NAV2: variants seen among roughly 807,000 people sequenced by gnomAD.
NAV2 encodes neuron navigator 2.
Under a neutral mutation model 223.2 loss-of-function variants are expected in NAV2, and 54 were observed. The observed-to-expected ratio is 0.24, with a 90% CI of 0.19 to 0.30. NAV2 has a LOEUF of 0.30. NAV2 is among the 10% of genes least tolerant of loss of function. The probability of loss-of-function intolerance (pLI) is 1.00; values close to 1 mark genes in which losing one functional copy is unlikely to be tolerated. For synonymous variants in NAV2, 1,279 were observed against 1,239.3 expected (o/e 1.03, Z -0.67); for missense variants, 2,806 against 3,147.5 (o/e 0.89, Z 2.60).
In NAV2 at chr11:19,586,873, C is replaced by T. The variant is rs184266210; in HGVS notation, c.75+235846C>T. On this transcript the variant is annotated intron_variant, in intron 1 of 37. Transcript: ENST00000360655. The stretch of plus-strand genomic sequence containing the variant: ...CTGTCTGTTCTCAGATCTCCAGCTG[C>T]GTGCTGTGGGAACCACTACTCTCTT... Among the ~76,000 whole-genome samples, 11 of 152,338 alleles carry T rather than the reference C, an allele frequency of 7.2e-5. No homozygotes were observed. In the East Asian group the frequency reaches 1.2e-3, roughly 16 times the overall value.
At chr11:20,008,287 G>A (rs1421550552) in intron 11 of NAV2, among the ~76,000 whole-genome samples, 4 of 152,090 alleles carry the variant, frequency 2.6e-5, no homozygotes. Context: ...GAATCCATGA[G>A]GCCGAGGTTG....
chr11:19,669,481 G>A (rs1160815221), intron 1 of NAV2, among the ~76,000 whole-genome samples: 2 of 152,224 alleles, frequency 1.3e-5, no homozygotes, highest in Non-Finnish European at 2.9e-5. Flanking sequence ...CTCTCTCATG[G>A]TCTGGGGATG....
intron 2 of NAV2, among the ~76,000 whole-genome samples, chr11:19,838,197 C>T (rs942324553): frequency 2.6e-5 from 4 of 152,142 alleles, no homozygotes; most frequent in African/African-American, 7.2e-5. Context: ...GTAGGCAGCA[C>T]GATTGTGCCT....
chr11:19,552,531 A>G (rs2044723668), intron 1 of NAV2, among the ~76,000 whole-genome samples: 1 of 152,102 alleles, frequency 6.6e-6, no homozygotes, highest in Non-Finnish European at 1.5e-5. Flanking sequence ...CAGACCGAGC[A>G]GAAGCTCCCC....
chr11:19,720,649 T>C (rs1477470607), intron 1 of NAV2, among the ~76,000 whole-genome samples: 2 of 152,228 alleles, frequency 1.3e-5, no homozygotes, highest in African/African-American at 2.4e-5. Flanking sequence ...AATGTGGCAC[T>C]TTAAAAATAA....
intron 10 of NAV2, among the ~76,000 whole-genome samples, chr11:19,970,518 T>C (rs986473049): frequency 2.6e-5 from 4 of 152,180 alleles, no homozygotes; most frequent in Non-Finnish European, 4.4e-5. Context: ...AAGAAACACT[T>C]GGTAGGTACC....
chr11:20,111,809 A>T (rs1037373221), intron 36 of NAV2, among the ~76,000 whole-genome samples: 6 of 152,300 alleles, frequency 3.9e-5, no homozygotes, highest in African/African-American at 1.4e-4. Context: ...GGACTAGAAG[A>T]GTGTTTTTTC....
chr11:20,068,782 AG>A (rs2059210624), intron 22 of NAV2, among the ~76,000 whole-genome samples: 1 of 152,218 alleles, frequency 6.6e-6, no homozygotes, highest in South Asian at 2.1e-4. Flanking sequence ...AAAGAAATGT[AG>A]GGCTTTTCAA....
At chr11:20,075,349 G>C (rs111482456) in intron 22 of NAV2, among the ~76,000 whole-genome samples, 2 of 151,836 alleles carry the variant, frequency 1.3e-5, no homozygotes, top group Admixed American at 1.3e-4. Flanking sequence ...TCAGCCTCCC[G>C]AGTAGCTGGG....
intron 1 of NAV2, among the ~76,000 whole-genome samples, chr11:19,617,435 TG>T (rs1038288977): frequency 6.6e-6 from 1 of 152,072 alleles, no homozygotes. Context: ...TGTCTGGTAA[TG>T]GGGGGATAAC....
chr11:19,759,729 A>G (rs2054569770), intron 1 of NAV2, among the ~76,000 whole-genome samples: 1 of 152,108 alleles, frequency 6.6e-6, no homozygotes, highest in African/African-American at 2.4e-5. Flanking sequence ...AATATAAATA[A>G]TAATGATATC....
At chr11:19,804,886 T>G (rs921630584) in intron 1 of NAV2, among the ~76,000 whole-genome samples, 5 of 152,190 alleles carry the variant, frequency 3.3e-5, no homozygotes, top group African/African-American at 4.8e-5. Flanking sequence ...TCCCAGTTTA[T>G]GAAGACTGTG....
chr11:19,751,095 C>A (rs1195969680), intron 1 of NAV2, among the ~76,000 whole-genome samples: 6 of 152,168 alleles, frequency 3.9e-5, no homozygotes, highest in Admixed American at 2.6e-4. Context: ...GTATTTACAC[C>A]ATGGAAATTG....
chr11:19,407,645 T>G (rs1018185725), intron 1 of NAV2, among the ~76,000 whole-genome samples: 1 of 152,138 alleles, frequency 6.6e-6, no homozygotes, highest in African/African-American at 2.4e-5. Flanking sequence ...ACAGGTGACT[T>G]CAGCCTTTGG....
At chr11:19,382,307 T>C (rs1848871140) in intron 1 of NAV2, among the ~76,000 whole-genome samples, 1 of 152,152 alleles carries the variant, frequency 6.6e-6, no homozygotes, top group Admixed American at 6.5e-5. Flanking sequence ...TTTCGGCCCA[T>C]GCTGAATGAG....
chr11:19,561,633 C>T (rs1368068573), intron 1 of NAV2, among the ~76,000 whole-genome samples: 2 of 152,198 alleles, frequency 1.3e-5, no homozygotes, highest in African/African-American at 4.8e-5. Flanking sequence ...TGGGGACTCC[C>T]TGAGATCTAA....
chr11:19,878,989 A>G (rs1742758017), intron 4 of NAV2, among the ~76,000 whole-genome samples: 1 of 152,118 alleles, frequency 6.6e-6, no homozygotes, highest in Admixed American at 6.5e-5. Flanking sequence ...GTGTTGAGTA[A>G]GTTTGCCCCC....
intron 1 of NAV2, among the ~76,000 whole-genome samples, chr11:19,558,668 C>A (rs1190099804): frequency 6.6e-6 from 1 of 152,182 alleles, no homozygotes; most frequent in Non-Finnish European, 1.5e-5. Context: ...TCACTTAACA[C>A]CCTCCCTGAA....
chr11:19,957,770 C>T (rs554572585), intron 10 of NAV2, among the ~76,000 whole-genome samples: 1 of 152,162 alleles, frequency 6.6e-6, no homozygotes, highest in Admixed American at 6.5e-5. Flanking sequence ...AGGCTGAGAC[C>T]TGGATTAAAA....
Sources: allele counts gnomAD v4.1 joint callset (sites outside exome capture counted in the v4.1 genomes callset), GRCh38; gene constraint gnomAD v4.1.1; transcripts MANE v1.5; gene names NCBI Gene and HGNC (gene_info 2026-07-23, HGNC 2026-07-21).